Variants in CDH12 observed in about 807,000 individuals in gnomAD.
CDH12 encodes the protein cadherin 12.
A neutral mutation model predicts 74.1 loss-of-function variants in CDH12; 41 were observed. That is an observed-to-expected ratio of 0.55 (90% confidence interval 0.43 to 0.72). CDH12 has a LOEUF of 0.72. CDH12 is among the 30% of genes least tolerant of loss of function. The pLI, the probability that CDH12 is intolerant of heterozygous loss-of-function variation, is 0.00. For missense variants in CDH12, 945 were observed against 977.2 expected, an observed-to-expected ratio of 0.97 and a Z score of 0.44; for synonymous variants, 399 against 355.0, an observed-to-expected ratio of 1.12 and a Z score of -1.39.
chr5:22,759,927 G>A (rs1746119959), intron 1 of CDH12, among the ~76,000 whole-genome samples: 1 of 152,150 alleles, frequency 6.6e-6, no homozygotes. Context: ...CTTATCTAGA[G>A]GGAGGTCACT....
intron 6 of CDH12, among the ~76,000 whole-genome samples, chr5:21,971,921 C>G (rs2150119991): frequency 6.6e-6 from 1 of 152,236 alleles, no homozygotes; most frequent in South Asian, 2.1e-4. Context: ...TTAAACAATT[C>G]ATAGATTCAC....
In CDH12 at chr5:22,494,748, C is replaced by T. The variant is rs764687152; in HGVS notation, c.-428+10522G>A. Among the ~76,000 whole-genome samples, 56 of 152,214 alleles carry T rather than the reference C, an allele frequency of 3.7e-4. 1 individual carries two copies. Among genetic ancestry groups the T allele is most frequent in the South Asian group, 8.3e-4 (4 of 4,830 alleles). ...GTGGCTCTAATAAAAGCTGGAAAAA[C>T]AAAGACCATCCCATGAAGAGCCTGT... is the stretch of plus-strand genomic sequence containing the variant. On this transcript the variant is annotated intron_variant, in intron 2 of 14. Coordinates refer to ENST00000382254, the MANE Select transcript of CDH12 (RefSeq NM_004061.5).
chr5:21,812,313 A>C (rs1158110111), intron 9 of CDH12, among the ~76,000 whole-genome samples: 2 of 152,094 alleles, frequency 1.3e-5, no homozygotes, highest in Non-Finnish European at 2.9e-5. Flanking sequence ...GTATACTTAA[A>C]ATGTAATTTC....
At chr5:22,324,816 G>A (rs1415517196) in intron 3 of CDH12, among the ~76,000 whole-genome samples, 1 of 152,026 alleles carries the variant, frequency 6.6e-6, no homozygotes, top group Non-Finnish European at 1.5e-5. Flanking sequence ...TTCTAAATCT[G>A]AAACTGAGGT....
At chr5:22,249,907 T>C (rs1426020527) in intron 3 of CDH12, among the ~76,000 whole-genome samples, 2 of 152,134 alleles carry the variant, frequency 1.3e-5, no homozygotes, top group South Asian at 4.1e-4. Flanking sequence ...TAACATTTGA[T>C]GTAAAGGTAC....
At chr5:22,401,914 G>C (rs1264077608) in intron 3 of CDH12, among the ~76,000 whole-genome samples, 3 of 152,136 alleles carry the variant, frequency 2.0e-5, no homozygotes, top group African/African-American at 7.2e-5. Flanking sequence ...GGAACATGAG[G>C]GTTAGCTAAG....
chr5:21,869,001 G>T (rs1189887740), intron 6 of CDH12, among the ~76,000 whole-genome samples: 1 of 152,142 alleles, frequency 6.6e-6, no homozygotes, highest in South Asian at 2.1e-4. Flanking sequence ...TGGCCTGCAG[G>T]TCTTAGTTCC....
chr5:22,241,940 T>C (rs929319115), intron 3 of CDH12, among the ~76,000 whole-genome samples: 1 of 152,124 alleles, frequency 6.6e-6, no homozygotes, highest in South Asian at 2.1e-4. Context: ...ATTTAAATCA[T>C]ATATGGAAAG....
intron 1 of CDH12, among the ~76,000 whole-genome samples, chr5:22,623,068 C>A (rs1303642675): frequency 1.3e-5 from 2 of 152,140 alleles, no homozygotes; most frequent in African/African-American, 2.4e-5. Flanking sequence ...AAGACAAAAA[C>A]CACATGATTA....
intron 2 of CDH12, among the ~76,000 whole-genome samples, chr5:22,459,239 T>C (rs1422391833): frequency 6.6e-6 from 1 of 152,078 alleles, no homozygotes; most frequent in Non-Finnish European, 1.5e-5. Flanking sequence ...TGAATTTCTA[T>C]ATTAAAATTT....
intron 4 of CDH12, among the ~76,000 whole-genome samples, chr5:22,119,092 T>C (rs528665840): frequency 4.5e-4 from 69 of 152,262 alleles, no homozygotes; most frequent in African/African-American, 1.5e-3. Context: ...CCTTGAGTGC[T>C]GAGAAAGTAA....
At chr5:22,684,854 C>T (rs1273440335) in intron 1 of CDH12, among the ~76,000 whole-genome samples, 4 of 152,258 alleles carry the variant, frequency 2.6e-5, no homozygotes, top group Non-Finnish European at 5.9e-5. Flanking sequence ...TACAAAAGCA[C>T]ATCTTAACCT....
chr5:22,756,051 A>T (rs1349338363), intron 1 of CDH12, among the ~76,000 whole-genome samples: 2 of 150,302 alleles, frequency 1.3e-5, no homozygotes, highest in Non-Finnish European at 3.0e-5. Flanking sequence ...TTTAGAAATG[A>T]CAGATTTGAA....
At position 22,028,489 on chromosome 5, in the gene CDH12, C is replaced by T. The variant is rs190787223; in HGVS notation, c.231+49957G>A. 1.3e-3 allele frequency among the ~76,000 whole-genome samples: 198 copies of T among 152,246 alleles called. 5 individuals are homozygous for T. Among genetic ancestry groups the T allele is most frequent in the African/African-American group, 4.3e-3 (179 of 41,538 alleles). ...ATAACGGACAAACAGAGAGCCAAAT[C>T]GTGAGTGAACTCCCATTCACAATTG... is the stretch of plus-strand genomic sequence containing the variant. On this transcript the variant is annotated intron_variant, in intron 5 of 14. Coordinates refer to ENST00000382254, the MANE Select transcript of CDH12 (RefSeq NM_004061.5).
At chr5:22,343,283 T>TAC (rs70959717) in intron 3 of CDH12, among the ~76,000 whole-genome samples, 4,834 of 92,398 alleles carry the variant, frequency 0.052, 207 homozygotes, top group East Asian at 0.087. Context: ...ACATAAACCC[T>TAC]ACACACACAC....
intron 1 of CDH12, among the ~76,000 whole-genome samples, chr5:22,561,206 T>C (rs1739032374): frequency 2.0e-5 from 3 of 152,126 alleles, no homozygotes; most frequent in South Asian, 2.1e-4. Flanking sequence ...TTTGGAGACA[T>C]TCAACTTTCA....
At chr5:22,125,135 C>T (rs1175542540) in intron 4 of CDH12, among the ~76,000 whole-genome samples, 2 of 151,766 alleles carry the variant, frequency 1.3e-5, no homozygotes, top group African/African-American at 2.4e-5. Flanking sequence ...GATACATGTG[C>T]TAAACATGCA....
At chr5:22,645,384 G>A (rs1739384718) in intron 1 of CDH12, among the ~76,000 whole-genome samples, 1 of 152,048 alleles carries the variant, frequency 6.6e-6, no homozygotes, top group African/African-American at 2.4e-5. Flanking sequence ...CAAGAAAACT[G>A]TAATTAGAAG....
At chr5:22,175,123 G>T (rs1749255839) in intron 4 of CDH12, among the ~76,000 whole-genome samples, 1 of 151,892 alleles carries the variant, frequency 6.6e-6, no homozygotes, top group South Asian at 2.1e-4. Flanking sequence ...TTACATTTCA[G>T]ATTTAAAGAA....
Sources: gnomAD v4.1 joint callset for allele counts (sites outside exome capture counted in the v4.1 genomes callset) on GRCh38, gnomAD v4.1.1 for gene constraint, MANE v1.5 for transcripts, NCBI Gene and HGNC (gene_info 2026-07-23, HGNC 2026-07-21) for gene names.